Variants in ZNF521 observed in about 807,000 individuals in gnomAD.
ZNF521 encodes zinc finger protein 521.
ZNF521 carries 14 observed loss-of-function variants against 105.5 expected under a neutral mutation model. The ratio of observed to expected loss-of-function variants is 0.13; its 90% confidence interval spans 0.09 to 0.21. The LOEUF is 0.21. Among genes scored for constraint, ZNF521 ranks in the 10% least tolerant of loss-of-function variants. The probability of loss-of-function intolerance (pLI) is 1.00; values close to 1 mark genes in which losing one functional copy is unlikely to be tolerated. For synonymous variants in ZNF521, 635 were observed against 606.0 expected (o/e 1.05, Z -0.70); for missense variants, 1,233 against 1,629.7 (o/e 0.76, Z 4.19).
At position 25,224,433 on chromosome 18, in the gene ZNF521, C is replaced by T. The variant is rs146072050; in HGVS notation, c.3485G>A (p.Arg1162Gln). 119 of 1,613,996 alleles carry T rather than the reference C, an allele frequency of 7.4e-5. No homozygotes were observed. In the African/African-American group the frequency reaches 9.5e-4, roughly 13 times the overall value. The part of the protein sequence containing the change: ...ELQNHIQTIH[R>Q]ELVPDSNSTQ... ...GCTGTTGCTGTCTGGCACGAGCTCT[C>T]GGTGGATGGTTTGGATGTGGTTCTG... The change falls in exon 4 of 8, where the codon CGA becomes CAA. Residue 1162 changes from arginine to glutamine, a missense_variant. Physicochemically the swap from Arg to Gln is conservative, Grantham distance 43. Coordinates refer to ENST00000361524, the MANE Select transcript of ZNF521 (RefSeq NM_015461.3).
chr18:25,234,568 T>A (rs945605679), intron 3 of ZNF521, among the ~76,000 whole-genome samples: 6 of 152,086 alleles, frequency 3.9e-5, no homozygotes, highest in African/African-American at 7.2e-5. Flanking sequence ...ATCAGAAAAA[T>A]TTCGGCCTGC....
intron 5 of ZNF521, among the ~76,000 whole-genome samples, chr18:25,184,006 A>C (rs1222577999): frequency 6.6e-6 from 1 of 152,184 alleles, no homozygotes; most frequent in Non-Finnish European, 1.5e-5. Flanking sequence ...TGGTTCACCA[A>C]AAATACATCA....
At chr18:25,108,312 T>C (rs1009553445) in intron 5 of ZNF521, among the ~76,000 whole-genome samples, 1 of 152,212 alleles carries the variant, frequency 6.6e-6, no homozygotes, top group Non-Finnish European at 1.5e-5. Flanking sequence ...AAAAAATTTT[T>C]ATAGGTGCCA....
At chr18:25,132,006 A>C (rs3934832) in intron 5 of ZNF521, among the ~76,000 whole-genome samples, 72,974 of 151,912 alleles carry the variant, frequency 0.48, 17,828 homozygotes, top group South Asian at 0.57. Context: ...GGATTTTTTA[A>C]AAGTTACACA....
At chr18:25,285,698 TCACACA>T (rs66794523) in intron 3 of ZNF521, among the ~76,000 whole-genome samples, 8,867 of 147,046 alleles carry the variant, frequency 0.06, 520 homozygotes, top group African/African-American at 0.15. Flanking sequence ...TCTCTCTCTC[TCACACA>T]CACACACACA....
chr18:25,168,643 C>T (rs979906359), intron 5 of ZNF521, among the ~76,000 whole-genome samples: 3 of 152,170 alleles, frequency 2.0e-5, no homozygotes, highest in Non-Finnish European at 2.9e-5. Flanking sequence ...ATAGTCAGAA[C>T]GTGCCAAAGT....
Position 25,256,641 on chromosome 18 carries a change from G to C in ZNF521, c.221-28944C>G, listed in dbSNP as rs569829790. Among the ~76,000 whole-genome samples, 9 of 152,146 alleles carry C rather than the reference G, an allele frequency of 5.9e-5. No homozygotes were observed. The South Asian group carries it at 6.2e-4, about 11-fold the overall frequency. ...GCTTGAAAAGAGGCCCCCTACAGGA[G>C]CGAAGTGCGGGGAAGGGATCCCAGA... is the stretch of plus-strand genomic sequence containing the variant. On this transcript the variant is annotated intron_variant, in intron 3 of 7. Transcript: ENST00000361524.
At chr18:25,315,451 T>C (rs546880297) in intron 3 of ZNF521, 2 of 152,248 alleles carry the variant, frequency 1.3e-5, no homozygotes, top group Non-Finnish European at 2.9e-5. Flanking sequence ...TGTTCTGTTC[T>C]TTCTTAGAAC....
chr18:25,243,207 T>C (rs536311672), intron 3 of ZNF521, among the ~76,000 whole-genome samples: 1 of 152,274 alleles, frequency 6.6e-6, no homozygotes, highest in Non-Finnish European at 1.5e-5. Context: ...CAATCATCTT[T>C]TCTTCACAGT....
At chr18:25,166,274 C>T (rs1473778184) in intron 5 of ZNF521, among the ~76,000 whole-genome samples, 1 of 152,142 alleles carries the variant, frequency 6.6e-6, no homozygotes, top group Non-Finnish European at 1.5e-5. Flanking sequence ...ATTCTCTACC[C>T]TTTGACTGTA....
At chr18:25,200,899 T>G (rs2035980426) in intron 4 of ZNF521, 1 of 152,132 alleles carries the variant, frequency 6.6e-6, no homozygotes, top group Admixed American at 6.6e-5. Context: ...TTCATTTATC[T>G]TTCTGAGCTT....
At position 25,227,012 on chromosome 18, in the gene ZNF521, C is replaced by T; in HGVS notation, c.906G>A (p.Gln302=). The change falls in exon 4 of 8, where the codon CAG becomes CAA. Residue 302 remains glutamine (Q), a synonymous_variant. Coordinates refer to ENST00000361524, the MANE Select transcript of ZNF521 (RefSeq NM_015461.3). This position sits in a 1 kb window ranked among gnomAD's most constrained non-coding sequence, Gnocchi z 5.7. ...EETSLMNHME[Q]VHSGEKKNSC... is the part of the protein sequence containing the mutation. ...AGTTCTTCTTCTCCCCGCTATGCAC[C>T]TGCTCCATGTGGTTCATGAGGGAGG... 1 of 1,614,166 alleles carries T rather than the reference C, an allele frequency of 6.2e-7. No individual in the cohort carries two copies. The highest frequency in any genetic ancestry group is 1.7e-5 in the Admixed American group (1 of 60,028).
rs1420099919 is a variant in ZNF521 at position 25,340,567 on chromosome 18, AT to A, written c.40+10339del. ...TCAGTCAAGTTCACAATTTGAAAGT[AT>A]GTTTGCCCCATTAATATGAATTATT... On this transcript the variant is annotated intron_variant, in intron 2 of 7. Coordinates refer to ENST00000361524, the MANE Select transcript of ZNF521 (RefSeq NM_015461.3). Among the ~76,000 whole-genome samples, 18 of 152,334 alleles carry A rather than the reference AT, an allele frequency of 1.2e-4. No homozygotes were observed. In the East Asian group the frequency reaches 3.3e-3, roughly 28 times the overall value.
intron 2 of ZNF521, among the ~76,000 whole-genome samples, chr18:25,332,610 C>T (rs9950013): frequency 0.49 from 74,378 of 151,924 alleles, 18,559 homozygotes; most frequent in African/African-American, 0.53. Context: ...CTTAAGGAAT[C>T]TGAAACAAAG....
intron 3 of ZNF521, among the ~76,000 whole-genome samples, chr18:25,258,279 C>T (rs1052998821): frequency 3.3e-5 from 5 of 152,054 alleles, no homozygotes; most frequent in African/African-American, 1.2e-4. Context: ...TGCTTTTATT[C>T]CAGCAAGACA....
chr18:25,152,025 C>G (rs1188494794), intron 5 of ZNF521, among the ~76,000 whole-genome samples: 1 of 152,174 alleles, frequency 6.6e-6, no homozygotes, highest in Non-Finnish European at 1.5e-5. Context: ...ACTGCCTACA[C>G]AGATCTCCCA....
intron 3 of ZNF521, among the ~76,000 whole-genome samples, chr18:25,316,866 TTTTTTGA>T (rs754537888): frequency 0.016 from 1,836 of 111,416 alleles, 30 homozygotes; most frequent in East Asian, 0.12. Context: ...TTTTTTTTTT[TTTTTTGA>T]GACAGAGTTT....
intron 3 of ZNF521, among the ~76,000 whole-genome samples, chr18:25,269,360 T>A (rs1005620202): frequency 6.6e-6 from 1 of 152,184 alleles, no homozygotes; most frequent in Non-Finnish European, 1.5e-5. Flanking sequence ...TTGACCCCAC[T>A]GTCAATATTA....
intron 5 of ZNF521, among the ~76,000 whole-genome samples, chr18:25,166,272 C>T (rs551737668): frequency 5.3e-5 from 8 of 152,254 alleles, no homozygotes; most frequent in South Asian, 2.1e-4. Flanking sequence ...TCATTCTCTA[C>T]CCTTTGACTG....
Sources: gnomAD v4.1 joint callset for allele counts (sites outside exome capture counted in the v4.1 genomes callset) on GRCh38, gnomAD v4.1.1 for gene constraint, Gnocchi (gnomAD v3.1) non-coding constraint, MANE v1.5 for transcripts, NCBI Gene and HGNC (gene_info 2026-07-23, HGNC 2026-07-21) for gene names.